PCDH11X: variants seen among roughly 807,000 people sequenced by gnomAD.
PCDH11X encodes the protein protocadherin-11 X-linked.
PCDH11X carries 18 observed loss-of-function variants against 53.3 expected under a neutral mutation model. The ratio of observed to expected loss-of-function variants is 0.34; its 90% CI spans 0.23 to 0.50. The LOEUF (loss-of-function observed/expected upper bound fraction) is 0.50, where lower values mean the gene tolerates loss of function less well. PCDH11X is among the 20% of genes least tolerant of loss of function. The pLI is 0.98. For missense variants in PCDH11X, 570 were observed against 1,032.4 expected, an observed-to-expected ratio of 0.55 and a Z score of 6.14; for synonymous variants, 279 against 393.3, an observed-to-expected ratio of 0.71 and a Z score of 3.44.
At chrX:92,102,151 G>A (rs1207024007) in intron 6 of PCDH11X, among the ~76,000 whole-genome samples, 1 of 111,316 alleles carries the variant, frequency 9.0e-6, no homozygotes, top group Non-Finnish European at 1.9e-5. Flanking sequence ...CAGGAACAAC[G>A]GTAATTGTGG....
chrX:92,504,776 C>T (rs966074145), intron 10 of PCDH11X, among the ~76,000 whole-genome samples: 1 of 111,947 alleles, frequency 8.9e-6, no homozygotes, highest in Non-Finnish European at 1.9e-5. Flanking sequence ...AGTGTATATG[C>T]ATTCCCTTTT....
intron 6 of PCDH11X, among the ~76,000 whole-genome samples, chrX:92,016,013 T>C (rs1490106089): frequency 1.8e-5 from 2 of 112,140 alleles, no homozygotes; most frequent in East Asian, 2.8e-4. Context: ...GATGAATGTT[T>C]TGTTAGCAGT....
chrX:91,905,731 T>G (rs1418259712), intron 6 of PCDH11X, among the ~76,000 whole-genome samples: 2 of 111,225 alleles, frequency 1.8e-5, no homozygotes, highest in Non-Finnish European at 3.8e-5. Flanking sequence ...AACTCTACAC[T>G]TTTTTTTACT....
intron 6 of PCDH11X, among the ~76,000 whole-genome samples, chrX:91,946,558 C>CATATATATATATAT (rs766671132): frequency 6.3e-5 from 2 of 31,642 alleles, no homozygotes; most frequent in African/African-American, 1.3e-4. Flanking sequence ...CTGTTTCCCT[C>CATATATATATATAT]ATATATATAT....
At chrX:91,864,169 A>G (rs1157120400) in intron 5 of PCDH11X, among the ~76,000 whole-genome samples, 2 of 111,408 alleles carry the variant, frequency 1.8e-5, no homozygotes, top group African/African-American at 6.5e-5. Flanking sequence ...CATTTCTTGT[A>G]GGGCAGATCT....
At chrX:92,121,348 G>A (rs780141328) in intron 6 of PCDH11X, among the ~76,000 whole-genome samples, 1 of 110,497 alleles carries the variant, frequency 9.1e-6, no homozygotes, top group African/African-American at 3.3e-5. Context: ...AGAGATGAGG[G>A]TTTCACCAGG....
chrX:92,561,411 G>C (rs1481840972), intron 10 of PCDH11X, among the ~76,000 whole-genome samples: 2 of 70,700 alleles, frequency 2.8e-5, no homozygotes, highest in African/African-American at 9.7e-5. Flanking sequence ...AGATAACACA[G>C]AGAAGTTATT....
chrX:92,353,722 C>T lies in PCDH11X; in HGVS notation c.3145-34013C>T, dbSNP rs1315575600. 9.2e-5 allele frequency among the ~76,000 whole-genome samples: 10 copies of T among 108,789 alleles called. No individual in the cohort carries two copies. The East Asian group carries it at 2.1e-3, about 22-fold the overall frequency. 94.5% of individuals were successfully genotyped at this position (108,789 alleles called of 115,157 possible). ...TTTCCATTTCTTTAGCTATCTTTAA[C>T]ATTCACATCGAATAATTTTCTAAGA... On this transcript the variant is annotated intron_variant, in intron 8 of 10. Transcript: ENST00000682573.
chrX:91,952,076 T>G (rs1178927838), intron 6 of PCDH11X, among the ~76,000 whole-genome samples: 1 of 110,721 alleles, frequency 9.0e-6, no homozygotes, highest in Admixed American at 9.7e-5. Flanking sequence ...ATCCTCTACC[T>G]CTCTGCCATT....
chrX:91,985,255 C>G (rs1002731736), intron 6 of PCDH11X, among the ~76,000 whole-genome samples: 4 of 112,037 alleles, frequency 3.6e-5, no homozygotes, highest in African/African-American at 1.3e-4. Context: ...GCTTGTAATC[C>G]CAGCACTTTG....
intron 6 of PCDH11X, among the ~76,000 whole-genome samples, chrX:92,090,631 C>T (rs1240960414): frequency 9.0e-6 from 1 of 110,538 alleles, no homozygotes; most frequent in African/African-American, 3.3e-5. Context: ...TTTACAGAAG[C>T]AAGCATTTCT....
intron 9 of PCDH11X, among the ~76,000 whole-genome samples, chrX:92,453,399 C>G (rs1371065569): frequency 1.8e-5 from 2 of 111,421 alleles, no homozygotes; most frequent in Admixed American, 9.6e-5. Context: ...TGTATACTGA[C>G]TTTACAAACT....
In PCDH11X at chrX:91,881,211, G is replaced by A. The variant is rs1205147532; in HGVS notation, c.3033+1938G>A. On this transcript the variant is annotated intron_variant, in intron 6 of 10. Transcript: ENST00000682573. ...ATTTTTCAAATATCCTCACTTTTTT[G>A]TTTTTTTAAAAATATTTTGTAATCC... Among the ~76,000 whole-genome samples, 3 of 109,773 alleles carry A rather than the reference G, an allele frequency of 2.7e-5. No individual in the cohort carries two copies. The East Asian group carries it at 8.6e-4, about 32-fold the overall frequency.
At chrX:92,386,394 A>G (rs1404864868) in intron 8 of PCDH11X, among the ~76,000 whole-genome samples, 1 of 110,587 alleles carries the variant, frequency 9.0e-6, no homozygotes, top group Non-Finnish European at 1.9e-5. Flanking sequence ...AATAAATTAT[A>G]CCTAATTTGA....
At chrX:91,945,742 C>T (rs1001851531) in intron 6 of PCDH11X, among the ~76,000 whole-genome samples, 2 of 109,515 alleles carry the variant, frequency 1.8e-5, no homozygotes, top group Admixed American at 2.0e-4. Context: ...TAGGCTCTTA[C>T]GAAAACTAAA....
intron 10 of PCDH11X, among the ~76,000 whole-genome samples, chrX:92,495,578 G>A (rs1257039818): frequency 1.8e-5 from 2 of 110,692 alleles, no homozygotes; most frequent in Non-Finnish European, 3.8e-5. Context: ...TGTAAAGTAT[G>A]CAATTTGGCA....
At chrX:92,393,439 A>G (rs1056852146) in intron 9 of PCDH11X, among the ~76,000 whole-genome samples, 1 of 110,423 alleles carries the variant, frequency 9.1e-6, no homozygotes, top group African/African-American at 3.3e-5. Context: ...CAATGATATC[A>G]GTTATGGTCT....
At chrX:92,554,015 T>A (rs758628666) in intron 10 of PCDH11X, among the ~76,000 whole-genome samples, 3 of 110,082 alleles carry the variant, frequency 2.7e-5, no homozygotes, top group Non-Finnish European at 5.7e-5. Context: ...GAATACTAGA[T>A]CTTCACTGTT....
chrX:92,013,120 A>G (rs1452865394), intron 6 of PCDH11X, among the ~76,000 whole-genome samples: 1 of 111,549 alleles, frequency 9.0e-6, no homozygotes, highest in Non-Finnish European at 1.9e-5. Flanking sequence ...ATGACTGTGT[A>G]TCTAGAATAC....
Sources: allele counts gnomAD v4.1 joint callset (sites outside exome capture counted in the v4.1 genomes callset), GRCh38; gene constraint gnomAD v4.1.1; transcripts MANE v1.5; gene names NCBI Gene and HGNC (gene_info 2026-07-23, HGNC 2026-07-21).